BAHD1: variants seen among roughly 807,000 people sequenced by gnomAD.
BAHD1 encodes the protein bromo adjacent homology domain-containing 1 protein.
A neutral mutation model predicts 63.1 loss-of-function variants in BAHD1; 20 were observed. That is an observed-to-expected ratio of 0.32 (90% CI 0.22 to 0.46). The LOEUF (loss-of-function observed/expected upper bound fraction) is 0.46, where lower values mean the gene tolerates loss of function less well. BAHD1 is among the 20% of genes least tolerant of loss of function. The pLI is 1.00. For missense variants in BAHD1, 939 were observed against 1,071.8 expected, an observed-to-expected ratio of 0.88 and a Z score of 1.73; for synonymous variants, 408 against 426.8, an observed-to-expected ratio of 0.96 and a Z score of 0.54.
In BAHD1 at chr15:40,466,049, G is replaced by A. The variant is rs1399960041; in HGVS notation, c.2262G>A (p.Glu754=). 2 of 1,614,148 alleles carry A rather than the reference G, an allele frequency of 1.2e-6. No individual in the cohort carries two copies. Among genetic ancestry groups the A allele is most frequent in the Admixed American group, 1.7e-5 (1 of 60,020 alleles). The part of the protein sequence containing the change: ...YSTPPHRTVP[E]DTDPELVFLC... ...CCCCACCCCACCGCACAGTGCCAGAGGACACGGACCCTGAGCTGGTGTTCC... is the reference window on the plus strand; with the variant it reads ...CCCCACCCCACCGCACAGTGCCAGAAGACACGGACCCTGAGCTGGTGTTCC... Residue 754 remains glutamate (E), a synonymous_variant, in exon 7 of 7, where the codon GAG becomes GAA. Coordinates refer to ENST00000416165, the MANE Select transcript of BAHD1 (RefSeq NM_014952.5).
intron 1 of BAHD1, among the ~76,000 whole-genome samples, chr15:40,441,852 G>T (rs548588430): frequency 1.1e-4 from 17 of 149,982 alleles, no homozygotes; most frequent in African/African-American, 4.2e-4. Flanking sequence ...TGGATGGGGG[G>T]CAGGGGATGA....
rs550331324 is a variant in BAHD1 at position 40,450,052 on chromosome 15, G to C, written c.-14-8399G>C. Among the ~76,000 whole-genome samples, 3 of 152,274 alleles carry C rather than the reference G, an allele frequency of 2.0e-5. No individual in the cohort carries two copies. In the East Asian group the frequency reaches 5.8e-4, roughly 29 times the overall value. On this transcript the variant is annotated intron_variant, in intron 1 of 6. Coordinates refer to ENST00000416165, the MANE Select transcript of BAHD1 (RefSeq NM_014952.5). ...ACAGGGTGGGGCAGGTGGACAGCCAGATCTTCATTTATTCTTACCAAGCTC... is the reference window on the plus strand; with the variant it reads ...ACAGGGTGGGGCAGGTGGACAGCCACATCTTCATTTATTCTTACCAAGCTC...
At chr15:40,445,292 T>C (rs1351036859) in intron 1 of BAHD1, among the ~76,000 whole-genome samples, 2 of 148,026 alleles carry the variant, frequency 1.4e-5, no homozygotes, top group African/African-American at 4.9e-5. Context: ...CTTTCACACC[T>C]TCTCTGGTTA....
chr15:40,467,201 G>T lies in BAHD1; in HGVS notation c.*1071G>T, dbSNP rs1894237175. The T allele has an allele frequency of 6.5e-6, 1 of 152,944 alleles. No homozygotes were observed. The highest frequency in any genetic ancestry group is 2.1e-4 in the South Asian group (1 of 4,838). 9.5% of individuals were successfully genotyped at this position (152,944 alleles called of 1,614,324 possible). The stretch of plus-strand genomic sequence containing the variant: ...TAGGAGCTAAGGACTTGCATTTTCA[G>T]TTTGTTCCTGTTGCCCAGAGGCCCT... On this transcript the variant is annotated 3_prime_UTR_variant, in exon 7 of 7. Coordinates refer to ENST00000416165, the MANE Select transcript of BAHD1 (RefSeq NM_014952.5).
At chr15:40,440,930 G>A (rs1893377928), upstream of BAHD1, among the ~76,000 whole-genome samples, 1 of 152,114 alleles carries the variant, frequency 6.6e-6, no homozygotes, top group Admixed American at 6.5e-5. Context: ...AGGAAGGAGG[G>A]CGGCGGAGGC....
chr15:40,443,782 C>A (rs180880213), intron 1 of BAHD1, among the ~76,000 whole-genome samples: 5 of 152,274 alleles, frequency 3.3e-5, no homozygotes, highest in Admixed American at 6.5e-5. Flanking sequence ...CCTAAAACAC[C>A]CCTTCCCGGT....
At position 40,464,504 on chromosome 15, in the gene BAHD1, G is replaced by A; in HGVS notation, c.2009G>A (p.Arg670Lys). ...ATGATGAGCCTCCTGTGGTATTACA[G>A]ACCTGAGCACTTACAGGGAGGCCGC... The part of the protein sequence containing the change: ...ELMMSLLWYY[R>K]PEHLQGGRSP... Residue 670 changes from arginine to lysine, a missense_variant, in exon 5 of 7, where the codon AGA becomes AAA. By Grantham distance (26) the Arg-to-Lys change is conservative (BLOSUM62 2). Coordinates refer to ENST00000416165, the MANE Select transcript of BAHD1 (RefSeq NM_014952.5). The A allele has an allele frequency of 6.2e-7, 1 of 1,613,700 alleles. No homozygotes were observed. Among genetic ancestry groups the A allele is most frequent in the Admixed American group, 1.7e-5 (1 of 59,962 alleles).
intron 1 of BAHD1, among the ~76,000 whole-genome samples, chr15:40,447,817 T>C (rs1413350649): frequency 2.0e-5 from 3 of 152,114 alleles, no homozygotes; most frequent in Non-Finnish European, 4.4e-5. Context: ...CAAGAGGTAT[T>C]GGGTAGATGC....
chr15:40,458,442 G>A lies in BAHD1; in HGVS notation c.-14-9G>A. On this transcript the variant is annotated splice_polypyrimidine_tract_variant and intron_variant, in intron 1 of 6. Coordinates refer to ENST00000416165, the MANE Select transcript of BAHD1 (RefSeq NM_014952.5). The surrounding 1 kb of genome is among the most constrained non-coding windows in gnomAD (Gnocchi z 4.7). ...GGGCTTCTCTCATTGCCCACCTTCT[G>A]TCCTGCAGGTTGGAAGTACTCCATG... The A allele has an allele frequency of 6.5e-7, 1 of 1,546,096 alleles. No individual in the cohort carries two copies. The highest frequency in any genetic ancestry group is 8.7e-7 in the Non-Finnish European group (1 of 1,143,402).
At position 40,459,403 on chromosome 15, in the gene BAHD1, C is replaced by T. The variant is rs1306274872; in HGVS notation, c.939C>T (p.His313=). ...ALESPLGLRP[H]LPLLMGGQAA... is the part of the protein sequence containing the mutation. ...AGAGCCCTTTGGGGCTGCGCCCTCA[C>T]CTGCCCCTGCTGATGGGTGGACAGG... The change falls in exon 2 of 7, where the codon CAC becomes CAT. Residue 313 remains histidine (H), a synonymous_variant. Transcript: ENST00000416165. 2.5e-6 allele frequency: 4 copies of T among 1,612,842 alleles called. No homozygotes were observed. Among genetic ancestry groups the T allele is most frequent in the Non-Finnish European group, 2.5e-6 (3 of 1,179,790 alleles).
chr15:40,440,139 G>A (rs892191948), upstream of BAHD1, among the ~76,000 whole-genome samples: 4 of 152,224 alleles, frequency 2.6e-5, no homozygotes, highest in African/African-American at 9.6e-5. Context: ...TCTGCTGTCA[G>A]CTGGAAATGG....
At chr15:40,463,300 G>A (rs879550796) in intron 3 of BAHD1, among the ~76,000 whole-genome samples, 2 of 152,204 alleles carry the variant, frequency 1.3e-5, no homozygotes, top group South Asian at 2.1e-4. Flanking sequence ...GTGAGACCCT[G>A]TCTCTAAAAA....
chr15:40,440,770 T>C (rs923862776), upstream of BAHD1, among the ~76,000 whole-genome samples: 4 of 151,444 alleles, frequency 2.6e-5, no homozygotes, highest in Admixed American at 2.0e-4. Context: ...GCCCCCTGCG[T>C]TGGGACGACC....
intron 1 of BAHD1, among the ~76,000 whole-genome samples, chr15:40,443,710 T>A (rs1289922712): frequency 2.0e-5 from 3 of 152,152 alleles, no homozygotes; most frequent in Non-Finnish European, 4.4e-5. Context: ...ATAGCCTCCC[T>A]TTCCCTCCTG....
chr15:40,444,545 G>T (rs1893484350), intron 1 of BAHD1, among the ~76,000 whole-genome samples: 1 of 152,020 alleles, frequency 6.6e-6, no homozygotes, highest in Non-Finnish European at 1.5e-5. Flanking sequence ...TCTCAAACCG[G>T]GTGCAAATGA....
At chr15:40,440,934 C>T (rs534201810), upstream of BAHD1, among the ~76,000 whole-genome samples, 29 of 152,104 alleles carry the variant, frequency 1.9e-4, no homozygotes, top group African/African-American at 5.1e-4. Flanking sequence ...AGGAGGGCGG[C>T]GGAGGCTCCG....
At chr15:40,443,569 C>G (rs1315026723) in intron 1 of BAHD1, among the ~76,000 whole-genome samples, 1 of 152,148 alleles carries the variant, frequency 6.6e-6, no homozygotes, top group Non-Finnish European at 1.5e-5. Flanking sequence ...GAGACTCATG[C>G]CAGTCGGATC....
intron 1 of BAHD1, among the ~76,000 whole-genome samples, chr15:40,454,984 C>T (rs544969034): frequency 1.8e-4 from 27 of 152,318 alleles, no homozygotes; most frequent in African/African-American, 6.0e-4. Context: ...GAAAAAGTTG[C>T]AGCCGAGCTT....
chr15:40,445,507 G>A (rs1250578205), intron 1 of BAHD1, among the ~76,000 whole-genome samples: 2 of 152,140 alleles, frequency 1.3e-5, no homozygotes, highest in African/African-American at 4.8e-5. Flanking sequence ...TCTTGGCCTT[G>A]CTCCGGCAAC....
Sources: allele counts gnomAD v4.1 joint callset (sites outside exome capture counted in the v4.1 genomes callset), GRCh38; gene constraint gnomAD v4.1.1; non-coding constraint Gnocchi (gnomAD v3.1); transcripts MANE v1.5; gene names NCBI Gene and HGNC (gene_info 2026-07-23, HGNC 2026-07-21).